Variants in ERC2 observed in about 807,000 individuals in gnomAD.
ERC2 encodes ERC protein 2.
Under a neutral mutation model 114.8 loss-of-function variants are expected in ERC2, and 42 were observed. That is an observed-to-expected ratio of 0.37 (90% CI 0.29 to 0.47). The LOEUF is 0.47. ERC2 is among the 20% of genes least tolerant of loss of function. The pLI is 0.99. For missense variants in ERC2, 939 were observed against 1,150.7 expected, an observed-to-expected ratio of 0.82 and a Z score of 2.66; for synonymous variants, 454 against 425.5, an observed-to-expected ratio of 1.07 and a Z score of -0.82.
At chr3:55,771,710 C>CCCATTGCA (rs11280568) in intron 14 of ERC2, among the ~76,000 whole-genome samples, 23,668 of 152,088 alleles carry the variant, frequency 0.16, 1,980 homozygotes, top group East Asian at 0.22. Context: ...AACTCTTGCT[C>CCCATTGCA]CCATTGCACT....
At chr3:55,719,467 A>G (rs2064319690) in intron 15 of ERC2, among the ~76,000 whole-genome samples, 1 of 152,192 alleles carries the variant, frequency 6.6e-6, no homozygotes, top group South Asian at 2.1e-4. Context: ...GTCCACCTGC[A>G]ACTTGGAAAA....
chr3:55,811,256 A>G, intron 14 of ERC2, among the ~76,000 whole-genome samples: 1 of 152,234 alleles, frequency 6.6e-6, no homozygotes, highest in East Asian at 1.9e-4. Context: ...TAAATGTGCC[A>G]TATCAAGCAT....
chr3:56,399,648 G>T lies in ERC2; in HGVS notation c.657+34703C>A, dbSNP rs192463200. On this transcript the variant is annotated intron_variant, in intron 2 of 17. Transcript: ENST00000288221. ...TTTTACAGGTACATTTTACAACAAA[G>T]AAATCAAGAACCTTAGTTCTAAGCA... 4.6e-5 allele frequency among the ~76,000 whole-genome samples: 7 copies of T among 151,618 alleles called. No homozygotes were observed. In the Admixed American group the frequency reaches 4.6e-4, roughly 10 times the overall value.
At chr3:56,386,179 A>G (rs1472719833) in intron 2 of ERC2, among the ~76,000 whole-genome samples, 2 of 152,184 alleles carry the variant, frequency 1.3e-5, no homozygotes, top group African/African-American at 4.8e-5. Context: ...CTTTGTACCT[A>G]CACTGCAAAG....
intron 1 of ERC2, among the ~76,000 whole-genome samples, chr3:56,465,667 C>A (rs1314307739): frequency 1.3e-5 from 2 of 152,120 alleles, no homozygotes; most frequent in Non-Finnish European, 2.9e-5. Flanking sequence ...TTTAAGTCAT[C>A]ATCATTAAGT....
intron 2 of ERC2, among the ~76,000 whole-genome samples, chr3:56,299,106 GT>G (rs539540086): frequency 2.1e-3 from 262 of 123,190 alleles, no homozygotes; most frequent in East Asian, 8.0e-3. Flanking sequence ...GTTTTTTTTT[GT>G]TTTTTTTTTT....
intron 12 of ERC2, among the ~76,000 whole-genome samples, chr3:55,973,821 T>C (rs2069361285): frequency 6.6e-6 from 1 of 152,182 alleles, no homozygotes. Context: ...AGAGGTAATA[T>C]AGGGTTTTAG....
intron 12 of ERC2, among the ~76,000 whole-genome samples, chr3:55,955,671 T>C (rs2067903160): frequency 6.6e-6 from 1 of 152,240 alleles, no homozygotes; most frequent in South Asian, 2.1e-4. Flanking sequence ...TTCATTTTCT[T>C]TTACTGTGAA....
Position 55,583,594 on chromosome 3 carries a change from T to TTCCC in ERC2, c.*40-72319_*40-72318insGGGA, listed in dbSNP as rs1559693923. Among the ~76,000 whole-genome samples the TTCCC allele has an allele frequency of 2.3e-4, 29 of 128,320 alleles. 1 individual carries two copies. The highest frequency in any genetic ancestry group is 3.3e-4 in the Admixed American group (4 of 12,126). The allele number at this position is 128,320 out of a possible 152,430, so 84.2% of individuals were successfully genotyped here. On this transcript the variant is annotated intron_variant, in intron 17 of 17. Coordinates refer to ENST00000288221, the MANE Select transcript of ERC2 (RefSeq NM_015576.3). Reference sequence around the variant, plus strand: ...CTTCCTTCCTTCCTTCCTTCCTTCCTAGAAAGGCAAGGATGCACTGGACGG... The same window carrying TTCCC: ...CTTCCTTCCTTCCTTCCTTCCTTCCTTCCCAGAAAGGCAAGGATGCACTGGACGG...
At chr3:56,393,659 T>C (rs2060205399) in intron 2 of ERC2, among the ~76,000 whole-genome samples, 1 of 152,236 alleles carries the variant, frequency 6.6e-6, no homozygotes, top group Non-Finnish European at 1.5e-5. Flanking sequence ...TTCTGGCACA[T>C]ACTGAGATCC....
chr3:56,007,596 G>T (rs2072599694), intron 9 of ERC2, among the ~76,000 whole-genome samples: 1 of 152,044 alleles, frequency 6.6e-6, no homozygotes, highest in South Asian at 2.1e-4. Context: ...TGCTAATGAT[G>T]TAAGTCCCAA....
intron 2 of ERC2, among the ~76,000 whole-genome samples, chr3:56,331,282 T>A (rs932859057): frequency 1.3e-5 from 2 of 152,162 alleles, no homozygotes; most frequent in African/African-American, 4.8e-5. Flanking sequence ...TTAGCAAGAA[T>A]CTCATTGGAT....
At chr3:55,936,858 G>A (rs2066475150) in intron 13 of ERC2, among the ~76,000 whole-genome samples, 3 of 152,124 alleles carry the variant, frequency 2.0e-5, no homozygotes, top group Admixed American at 6.5e-5. Context: ...ACATCATCAC[G>A]GCATCAACCT....
chr3:56,184,042 G>C (rs2083443934), intron 3 of ERC2, among the ~76,000 whole-genome samples: 1 of 152,020 alleles, frequency 6.6e-6, no homozygotes, highest in South Asian at 2.1e-4. Flanking sequence ...ATGGACATTT[G>C]GGAGCCTAAA....
At chr3:56,195,771 G>A (rs2048065105) in intron 3 of ERC2, among the ~76,000 whole-genome samples, 1 of 152,078 alleles carries the variant, frequency 6.6e-6, no homozygotes, top group Non-Finnish European at 1.5e-5. Context: ...AGGCTTCAGT[G>A]AGCTGAGATT....
At chr3:55,728,924 T>G (rs917465690) in intron 15 of ERC2, among the ~76,000 whole-genome samples, 8 of 152,214 alleles carry the variant, frequency 5.3e-5, no homozygotes, top group Admixed American at 5.2e-4. Context: ...ATGAGTTCTC[T>G]TTTGTGGCCC....
At chr3:56,109,217 C>T (rs1322849151) in intron 6 of ERC2, among the ~76,000 whole-genome samples, 2 of 152,076 alleles carry the variant, frequency 1.3e-5, no homozygotes, top group Non-Finnish European at 2.9e-5. Context: ...ATCTGCGGTT[C>T]CCCTCTTTGT....
intron 17 of ERC2, among the ~76,000 whole-genome samples, chr3:55,514,519 A>C (rs1218703743): frequency 6.6e-6 from 1 of 152,228 alleles, no homozygotes; most frequent in Non-Finnish European, 1.5e-5. Flanking sequence ...TTAATAGCAG[A>C]GACTTTTATT....
intron 17 of ERC2, among the ~76,000 whole-genome samples, chr3:55,659,924 C>G (rs1390951834): frequency 4.6e-5 from 7 of 152,062 alleles, no homozygotes; most frequent in Admixed American, 3.3e-4. Context: ...CATATTTGCT[C>G]TAGGCATCTA....
Sources: gnomAD v4.1 joint callset for allele counts (sites outside exome capture counted in the v4.1 genomes callset) on GRCh38, gnomAD v4.1.1 for gene constraint, MANE v1.5 for transcripts, NCBI Gene and HGNC (gene_info 2026-07-23, HGNC 2026-07-21) for gene names.